The following NSL1 variants were observed in gnomAD, a reference collection of about 807,000 sequenced individuals.
NSL1 encodes NSL1 component of MIS12 kinetochore complex, also known as kinetochore-associated protein NSL1 homolog.
NSL1 carries 11 observed loss-of-function variants against 25.4 expected under a neutral mutation model. That is an observed-to-expected ratio of 0.43 (90% CI 0.27 to 0.72). NSL1 has a LOEUF of 0.72. Among genes scored for constraint, NSL1 ranks in the 30% least tolerant of loss-of-function variants. The pLI is 0.19. For missense variants in NSL1, 330 were observed against 342.7 expected (o/e 0.96, Z 0.29); for synonymous variants, 118 against 120.6 (o/e 0.98, Z 0.14).
At position 212,732,695 on chromosome 1, in the gene NSL1, C is replaced by T. The variant is rs149924502; in HGVS notation, c.*5713G>A. On this transcript the variant is annotated 3_prime_UTR_variant, in exon 6 of 6. Transcript: ENST00000366977. The stretch of plus-strand genomic sequence containing the variant: ...GCTGTGTTTTGGGAGCCTTAGTTTC[C>T]CAGATCCCATGGCTGCTGCTTTTTT... 1 of 980,178 alleles carries T rather than the reference C, an allele frequency of 1.0e-6. No homozygotes were observed. The highest frequency in any genetic ancestry group is 1.7e-5 in the African/African-American group (1 of 57,236). 60.7% of individuals were successfully genotyped at this position (980,178 alleles called of 1,614,324 possible).
At chr1:212,756,244 C>T (rs998108191) in intron 4 of NSL1, among the ~76,000 whole-genome samples, 14 of 152,002 alleles carry the variant, frequency 9.2e-5, no homozygotes, top group African/African-American at 3.1e-4. Context: ...TGCAGCTTCC[C>T]GAGTAGCTGG....
rs140335946 is a variant in NSL1, at chr1:212,760,500, C to T, written c.500-20899G>A. Among the ~76,000 whole-genome samples the T allele has an allele frequency of 2.8e-4, 42 of 152,206 alleles. 1 individual carries two copies. In the East Asian group the frequency reaches 4.8e-3, roughly 18 times the overall value. ...CCCACTGGCCACTACTGCCGGCATC[C>T]ACACACTCCTCCCCAGGGCTTGAGG... On this transcript the variant is annotated intron_variant, in intron 4 of 5. Transcript: ENST00000366977. This position sits in a 1 kb window ranked among gnomAD's most constrained non-coding sequence, Gnocchi z 4.3.
Position 212,729,599 on chromosome 1 carries a change from G to C in NSL1, c.*8809C>G. ...TCATTTCTACACTTCCTCAGGATCA[G>C]AGGCAGGCACACAGGGCATAGACAG... On this transcript the variant is annotated 3_prime_UTR_variant, in exon 6 of 6. Coordinates refer to ENST00000366977, the MANE Select transcript of NSL1 (RefSeq NM_015471.4). 1 of 985,384 alleles carries C rather than the reference G, an allele frequency of 1.0e-6. No homozygotes were observed. Among genetic ancestry groups the C allele is most frequent in the African/African-American group, 1.7e-5 (1 of 57,332 alleles). The allele number at this position is 985,384 out of a possible 1,614,324, so 61.0% of individuals were successfully genotyped here.
At chr1:212,765,877 C>T (rs1659783316) in intron 4 of NSL1, among the ~76,000 whole-genome samples, 1 of 151,862 alleles carries the variant, frequency 6.6e-6, no homozygotes. Context: ...TGGCTCACAC[C>T]TATAATCCCA....
In NSL1 at chr1:212,727,191, A is replaced by C; in HGVS notation, c.*11217T>G. The C allele has an allele frequency of 2.0e-6, 3 of 1,534,454 alleles. No individual in the cohort carries two copies. The highest frequency in any genetic ancestry group is 2.6e-6 in the Non-Finnish European group (3 of 1,140,518). On this transcript the variant is annotated 3_prime_UTR_variant, in exon 6 of 6. Transcript: ENST00000366977. ...ACCAGGCTTGGCTCCTAATGTGTTA[A>C]ATGGGGGTGAATGGAATTTAGAAGA...
At chr1:212,766,660 G>GA (rs1001217898) in intron 4 of NSL1, among the ~76,000 whole-genome samples, 9 of 141,720 alleles carry the variant, frequency 6.4e-5, no homozygotes, top group African/African-American at 2.1e-4. Flanking sequence ...AAAAAAAAAA[G>GA]AAAAAAAAAG....
rs780381854 is a variant in NSL1, at chr1:212,736,765, A to C, written c.*1643T>G. 1.7e-5 allele frequency: 17 copies of C among 984,720 alleles called. No individual in the cohort carries two copies. The highest frequency in any genetic ancestry group is 1.8e-5 in the Non-Finnish European group (15 of 829,374). 61.0% of individuals were successfully genotyped at this position (984,720 alleles called of 1,614,324 possible). A position where few individuals can be genotyped will look rare whatever the true frequency, so the allele number is the denominator to read the frequency against. On this transcript the variant is annotated 3_prime_UTR_variant, in exon 6 of 6. Coordinates refer to ENST00000366977, the MANE Select transcript of NSL1 (RefSeq NM_015471.4). ...GTCATTACACAGATTCAACATTAAC[A>C]GGATTTTTGTCACATTTCCTTAATC...
intron 4 of NSL1, among the ~76,000 whole-genome samples, chr1:212,777,332 A>G (rs1302563091): frequency 6.6e-6 from 1 of 152,096 alleles, no homozygotes; most frequent in African/African-American, 2.4e-5. Flanking sequence ...AGCCATGATC[A>G]TACCACTGCA....
At chr1:212,755,531 T>C (rs1487824714) in intron 4 of NSL1, among the ~76,000 whole-genome samples, 3 of 151,556 alleles carry the variant, frequency 2.0e-5, no homozygotes, top group African/African-American at 7.3e-5. Context: ...ATGTTACATG[T>C]TGAGTGAAAA....
intron 1 of NSL1, among the ~76,000 whole-genome samples, chr1:212,788,666 C>A (rs556264380): frequency 7.2e-5 from 11 of 152,216 alleles, no homozygotes; most frequent in Non-Finnish European, 7.4e-5. Context: ...TCCTAAAGGA[C>A]TACTCTCATA....
chr1:212,746,900 CTT>C (rs1483414269), intron 4 of NSL1, among the ~76,000 whole-genome samples: 1 of 152,168 alleles, frequency 6.6e-6, no homozygotes, highest in Non-Finnish European at 1.5e-5. Context: ...AATCCCAACA[CTT>C]TGGGAGGCTG....
rs1657906413 is a variant in NSL1 at position 212,729,152 on chromosome 1, A to C, written c.*9256T>G. 1 of 985,340 alleles carries C rather than the reference A, an allele frequency of 1.0e-6. No individual in the cohort carries two copies. Among genetic ancestry groups the C allele is most frequent in the Non-Finnish European group, 1.2e-6 (1 of 829,944 alleles). The allele number at this position is 985,340 out of a possible 1,614,324, so 61.0% of individuals were successfully genotyped here. A position where few individuals can be genotyped will look rare whatever the true frequency, so the allele number is the denominator to read the frequency against. ...CATCGTAGTTTCTAAAACCAGACAAAATCATTTCTTGCAAGCAGGTAATTC... is the reference window on the plus strand; with the variant it reads ...CATCGTAGTTTCTAAAACCAGACAACATCATTTCTTGCAAGCAGGTAATTC... On this transcript the variant is annotated 3_prime_UTR_variant, in exon 6 of 6. Coordinates refer to ENST00000366977, the MANE Select transcript of NSL1 (RefSeq NM_015471.4).
At chr1:212,766,170 AG>A (rs1276138031) in intron 4 of NSL1, 1 of 580,282 alleles carries the variant, frequency 1.7e-6, no homozygotes, top group African/African-American at 1.9e-5. Context: ...TCAACAAACT[AG>A]GCAAAGAAGA....
At position 212,787,160 on chromosome 1, in the gene NSL1, C is replaced by CAA. The variant is rs34594444; in HGVS notation, c.313+397_313+398dup. Among the ~76,000 whole-genome samples, 78 of 117,826 alleles carry CAA rather than the reference C, an allele frequency of 6.6e-4. No individual in the cohort carries two copies. The South Asian group carries it at 9.6e-3, about 14-fold the overall frequency. 77.3% of individuals were successfully genotyped at this position (117,826 alleles called of 152,430 possible). On this transcript the variant is annotated intron_variant, in intron 2 of 5. Transcript: ENST00000366977. ...CTTGGGTGACAGTGAGACTTCATCT[C>CAA]AAAAAAAAAAAAAAAATTGTCTTTT...
At chr1:212,779,398 G>C (rs1382193871) in intron 4 of NSL1, among the ~76,000 whole-genome samples, 2 of 135,180 alleles carry the variant, frequency 1.5e-5, no homozygotes, top group African/African-American at 2.8e-5. Flanking sequence ...TCAGCCCCCC[G>C]CCCGGCCAGC....
intron 4 of NSL1, among the ~76,000 whole-genome samples, chr1:212,768,074 C>G (rs976520783): frequency 5.3e-5 from 8 of 152,142 alleles, no homozygotes; most frequent in Admixed American, 1.3e-4. Flanking sequence ...AATCCCAGCA[C>G]TTTGGGAGTT....
intron 4 of NSL1, among the ~76,000 whole-genome samples, chr1:212,772,397 CACCTGTA>C (rs1302269834): frequency 6.6e-6 from 1 of 152,148 alleles, no homozygotes; most frequent in Non-Finnish European, 1.5e-5. Flanking sequence ...CAGTGGCTCA[CACCTGTA>C]ACCCTAGCAC....
chr1:212,746,220 C>T (rs1658787375), intron 4 of NSL1, among the ~76,000 whole-genome samples: 1 of 152,038 alleles, frequency 6.6e-6, no homozygotes, highest in Non-Finnish European at 1.5e-5. Context: ...TATAAATCTA[C>T]ATTAATGGAT....
At position 212,729,209 on chromosome 1, in the gene NSL1, C is replaced by T; in HGVS notation, c.*9199G>A. The stretch of plus-strand genomic sequence containing the variant: ...AGTTTCCAAACCCATGAGTTTCACT[C>T]TCAGGTTCCCTCTAGGAGCAGAAGT... On this transcript the variant is annotated 3_prime_UTR_variant, in exon 6 of 6. Coordinates refer to ENST00000366977, the MANE Select transcript of NSL1 (RefSeq NM_015471.4). The T allele has an allele frequency of 1.0e-6, 1 of 985,460 alleles. No homozygotes were observed. The highest frequency in any genetic ancestry group is 1.2e-6 in the Non-Finnish European group (1 of 829,930). The allele number at this position is 985,460 out of a possible 1,614,324, so 61.0% of individuals were successfully genotyped here.
Sources: allele counts gnomAD v4.1 joint callset (sites outside exome capture counted in the v4.1 genomes callset), GRCh38; gene constraint gnomAD v4.1.1; non-coding constraint Gnocchi (gnomAD v3.1); transcripts MANE v1.5; gene names NCBI Gene and HGNC (gene_info 2026-07-23, HGNC 2026-07-21).